LONP1: variants seen among roughly 807,000 people sequenced by gnomAD.
LONP1 encodes the protein lon protease homolog, mitochondrial.
LONP1 carries 31 observed loss-of-function variants against 98.5 expected under a neutral mutation model. The observed-to-expected ratio is 0.31, with a 90% CI of 0.24 to 0.42. LONP1 has a LOEUF of 0.42. Among genes scored for constraint, LONP1 ranks in the 20% least tolerant of loss-of-function variants. LONP1 has a pLI of 1.00. For synonymous variants in LONP1, 781 were observed against 594.7 expected, an observed-to-expected ratio of 1.31 and a Z score of -4.56; for missense variants, 1,336 against 1,350.6, an observed-to-expected ratio of 0.99 and a Z score of 0.17.
intron 7 of LONP1, 58 bp from the exon 8 acceptor site, chr19:5,706,050 C>T (rs777531237): frequency 4.4e-5 from 51 of 1,159,744 alleles, no homozygotes; most frequent in Non-Finnish European, 5.5e-5. Flanking sequence ...TGGGTGGGTG[C>T]GTCCCCAGAC....
At chr19:5,703,494 AG>A (rs1467735917) in intron 8 of LONP1, among the ~76,000 whole-genome samples, 1 of 152,134 alleles carries the variant, frequency 6.6e-6, no homozygotes, top group African/African-American at 2.4e-5. Flanking sequence ...ACTATGGGCC[AG>A]GAGCAAGTCA....
At chr19:5,704,709 C>T (rs1254840357) in intron 8 of LONP1, among the ~76,000 whole-genome samples, 2 of 152,220 alleles carry the variant, frequency 1.3e-5, no homozygotes, top group African/African-American at 2.4e-5. Flanking sequence ...AAACCTGGGG[C>T]GGCCACCCTG....
At position 5,719,991 on chromosome 19, in the gene LONP1, C is replaced by T. The variant is rs755921744; in HGVS notation, c.142G>A (p.Ala48Thr). 6.3e-7 allele frequency: 1 copy of T among 1,581,074 alleles called. No individual in the cohort carries two copies. The highest frequency in any genetic ancestry group is 8.6e-7 in the Non-Finnish European group (1 of 1,165,890). ...WLLRGQRTCDASPPWALWGRG... is the reference protein window; with the variant it reads ...WLLRGQRTCDTSPPWALWGRG... The stretch of plus-strand genomic sequence containing the variant: ...CCCCACAGTGCCCAAGGAGGAGAGG[C>T]GTCGCAGGTCCGCTGGCCTCGGAGC... Residue 48 changes from alanine to threonine, a missense_variant, in exon 1 of 18, where the codon GCC (alanine) becomes ACC (threonine). By Grantham distance (58) the Ala-to-Thr change is moderately conservative. Transcript: ENST00000360614.
chr19:5,701,082 G>A (rs1051299836), intron 8 of LONP1, among the ~76,000 whole-genome samples, 155 bp from the exon 9 acceptor site: 2 of 152,174 alleles, frequency 1.3e-5, no homozygotes, highest in African/African-American at 2.4e-5. Flanking sequence ...GGGAGGCCCA[G>A]GTGGGAGGAT....
At position 5,695,664 on chromosome 19, in the gene LONP1, C is replaced by T. The variant is rs188307689; in HGVS notation, c.2013+390G>A. Among the ~76,000 whole-genome samples, 1,101 of 152,302 alleles carry T rather than the reference C, an allele frequency of 7.2e-3. 21 individuals carry two copies. Among genetic ancestry groups the T allele is most frequent in the Admixed American group, 0.038 (584 of 15,304 alleles). ...GAGAAATATGGGCCCCTGCATGCTCCTCACTGAAACCACTTCTCCTCCAAG... is the reference window on the plus strand; with the variant it reads ...GAGAAATATGGGCCCCTGCATGCTCTTCACTGAAACCACTTCTCCTCCAAG... On this transcript the variant is annotated intron_variant, in intron 13 of 17. Transcript: ENST00000360614.
rs555647549 is a variant in LONP1, at chr19:5,715,415, G to A, written c.430-1144C>T. ...TCCCAGCACTTTGGGAGGCCGAGGC[G>A]GGCAGATCACAAGGTCAGGAGATCG... On this transcript the variant is annotated intron_variant, in intron 1 of 17. Coordinates refer to ENST00000360614, the MANE Select transcript of LONP1 (RefSeq NM_004793.4). 1.1e-4 allele frequency among the ~76,000 whole-genome samples: 17 copies of A among 150,296 alleles called. No individual in the cohort carries two copies. In the South Asian group the frequency reaches 2.9e-3, roughly 26 times the overall value.
intron 5 of LONP1, 124 bp downstream of exon 5, chr19:5,708,218 G>T (rs1167450058): frequency 2.0e-6 from 2 of 991,320 alleles, no homozygotes; most frequent in South Asian, 1.5e-5. Flanking sequence ...CTCCACACAG[G>T]CCACTCCTTG....
intron 8 of LONP1, among the ~76,000 whole-genome samples, chr19:5,704,580 C>T (rs1371970397): frequency 6.6e-6 from 1 of 152,164 alleles, no homozygotes; most frequent in Non-Finnish European, 1.5e-5. Flanking sequence ...GCTGCCCTGG[C>T]GTGACAACTG....
intron 6 of LONP1, 45 bp from the exon 7 acceptor site, chr19:5,707,188 C>CTGTG: frequency 6.4e-7 from 1 of 1,555,438 alleles, no homozygotes; most frequent in South Asian, 1.1e-5. Context: ...AAGTCGGCAT[C>CTGTG]TGTGTGTGTA....
chr19:5,708,625 A>C (rs2055186661), intron 4 of LONP1: 5 of 535,032 alleles, frequency 9.3e-6, no homozygotes, highest in South Asian at 2.3e-5. Context: ...AACTAAAACC[A>C]AACCCTGTCT....
intron 2 of LONP1, among the ~76,000 whole-genome samples, chr19:5,713,815 A>T (rs1484008945): frequency 2.0e-5 from 3 of 152,178 alleles, no homozygotes; most frequent in Non-Finnish European, 4.4e-5. Context: ...CACATGCCTC[A>T]GCCTCCCAAA....
intron 4 of LONP1, 43 bp from the exon 5 acceptor site, chr19:5,708,446 C>G: frequency 7.8e-7 from 1 of 1,278,792 alleles, no homozygotes; most frequent in South Asian, 1.2e-5. Context: ...AGCAGTGCTC[C>G]AGCAGGGGGT....
intron 8 of LONP1, among the ~76,000 whole-genome samples, chr19:5,703,014 TA>T (rs75284257): frequency 0.016 from 1,815 of 112,230 alleles, 8 homozygotes; most frequent in Middle Eastern, 0.039. Context: ...GAATGATCAA[TA>T]AAAAAAAAAA....
At chr19:5,703,435 C>T (rs2055092868) in intron 8 of LONP1, among the ~76,000 whole-genome samples, 2 of 152,046 alleles carry the variant, frequency 1.3e-5, no homozygotes. Context: ...GGGAGGGCAA[C>T]TCCATATTGG....
chr19:5,704,894 C>G (rs2055118513), intron 8 of LONP1, among the ~76,000 whole-genome samples: 1 of 152,050 alleles, frequency 6.6e-6, no homozygotes, highest in South Asian at 2.1e-4. Flanking sequence ...GGCGTGGTGG[C>G]TCATGCCTGT....
intron 4 of LONP1, 31 bp from the exon 5 acceptor site, chr19:5,708,434 CCAGCAGTG>C: frequency 6.3e-7 from 1 of 1,579,330 alleles, no homozygotes. Flanking sequence ...TCGCTGGGGC[CCAGCAGTG>C]CTCCAGCAGG....
In LONP1 at chr19:5,694,529, C is replaced by T. The variant is rs771833473; in HGVS notation, c.2178G>A (p.Lys726=). 1.1e-5 allele frequency: 17 copies of T among 1,612,886 alleles called. No homozygotes were observed. Among genetic ancestry groups the T allele is most frequent in the South Asian group, 8.8e-5 (8 of 91,072 alleles). ...CGGACTCGGCCTCGCCGCTGACAAT[C>T]TTGTAGGCCGATTTCCGTAACACCT... ...VEKVLRKSAY[K]IVSGEAESVE... is the part of the protein sequence containing the mutation. The change falls in exon 15 of 18, where the codon AAG becomes AAA. Residue 726 remains lysine, a synonymous_variant. Transcript: ENST00000360614.
In LONP1 at chr19:5,694,014, C is replaced by G. The variant is rs561939659; in HGVS notation, c.2321-245G>C. On this transcript the variant is annotated intron_variant, in intron 15 of 17. Coordinates refer to ENST00000360614, the MANE Select transcript of LONP1 (RefSeq NM_004793.4). ...CCAGCCACAGAGGACACGCCCAGGG[C>G]TACAAGGCCCAGCTGCCGCTGCCCT... 3.9e-5 allele frequency among the ~76,000 whole-genome samples: 6 copies of G among 152,318 alleles called. No homozygotes were observed. In the South Asian group the frequency reaches 1.2e-3, roughly 32 times the overall value.
intron 17 of LONP1, 92 bp from the exon 18 acceptor site, chr19:5,692,300 G>T: frequency 7.9e-7 from 1 of 1,271,818 alleles, no homozygotes; most frequent in Non-Finnish European, 1.1e-6. Flanking sequence ...CCTGGGGACC[G>T]GCGATACACA....
Sources: gnomAD v4.1 joint callset for allele counts (sites outside exome capture counted in the v4.1 genomes callset) on GRCh38, gnomAD v4.1.1 for gene constraint, MANE v1.5 for transcripts, NCBI Gene and HGNC (gene_info 2026-07-23, HGNC 2026-07-21) for gene names.